Variants in TTC6 observed in about 807,000 individuals in gnomAD.
TTC6 encodes the protein tetratricopeptide repeat domain 6, also known as tetratricopeptide repeat protein 6.
A neutral mutation model predicts 210.4 loss-of-function variants in TTC6; 172 were observed. That is an observed-to-expected ratio of 0.82 (90% CI 0.72 to 0.93). The LOEUF (loss-of-function observed/expected upper bound fraction) is 0.93. Among genes scored for constraint, TTC6 ranks in the 40% least tolerant of loss-of-function variants. The probability of loss-of-function intolerance (pLI) is 0.00; values close to 1 mark genes in which losing one functional copy is unlikely to be tolerated. For synonymous variants in TTC6, 804 were observed against 819.6 expected (o/e 0.98, Z 0.32); for missense variants, 2,414 against 2,318.1 (o/e 1.04, Z -0.85).
chr14:37,811,254 G>A (rs993209017), intron 24 of TTC6, among the ~76,000 whole-genome samples: 1 of 152,170 alleles, frequency 6.6e-6, no homozygotes, highest in Non-Finnish European at 1.5e-5. Context: ...AAAGAAAAAT[G>A]TTAGACAATT....
chr14:37,770,234 G>A lies in TTC6; in HGVS notation c.3266+16999G>A, dbSNP rs2096013546. On this transcript the variant is annotated intron_variant, in intron 14 of 30. Coordinates refer to ENST00000553443, the Ensembl canonical transcript of TTC6. ...AGCTTTACTTCCAACTATGTGGTCA[G>A]TTTTGGAATAGGTATGGTGTGGTGC... Among the ~76,000 whole-genome samples the A allele has an allele frequency of 2.6e-5, 4 of 152,242 alleles. No homozygotes were observed. The South Asian group carries it at 8.3e-4, about 32-fold the overall frequency.
chr14:37,620,216 T>C (rs1351038545), upstream of TTC6, among the ~76,000 whole-genome samples: 1 of 152,030 alleles, frequency 6.6e-6, no homozygotes, highest in Non-Finnish European at 1.5e-5. Flanking sequence ...GATATATACA[T>C]ATATATATAT....
intron 1 of TTC6, among the ~76,000 whole-genome samples, chr14:37,656,516 T>TGTGTGTGTGTGTGTGTGTGTGTGTGC (rs2095723527): frequency 1.5e-4 from 1 of 6,616 alleles, no homozygotes. Flanking sequence ...TGTGTGTGCG[T>TGTGTGTGTGTGTGTGTGTGTGTGTGC]GTGTGTGTGT....
intron 24 of TTC6, among the ~76,000 whole-genome samples, chr14:37,809,750 T>C (rs529967824): frequency 6.6e-6 from 1 of 152,246 alleles, no homozygotes; most frequent in Non-Finnish European, 1.5e-5. Flanking sequence ...ATCCAGCATC[T>C]ACCTGTGCAA....
At chr14:37,694,140 C>G (rs1027389004) in intron 3 of TTC6, among the ~76,000 whole-genome samples, 3 of 151,928 alleles carry the variant, frequency 2.0e-5, no homozygotes, top group African/African-American at 7.3e-5. Flanking sequence ...TTTTGCACAC[C>G]AAAGGATACA....
chr14:37,812,219 C>G, intron 24 of TTC6, 95 bp from the exon 27 acceptor site: 2 of 1,255,402 alleles, frequency 1.6e-6, no homozygotes, highest in Non-Finnish European at 2.2e-6. Context: ...AAGAACTAAC[C>G]ATTGGGTCCT....
intron 19 of TTC6, 50 bp downstream of exon 21, chr14:37,796,420 AT>A: frequency 1.2e-6 from 1 of 800,470 alleles, no homozygotes; most frequent in East Asian, 3.1e-5. Context: ...TAAAATTTTT[AT>A]GCTATTTTGC....
chr14:37,680,190 C>T (rs1474207717), exon 2 of TTC6: 24 of 1,533,956 alleles, frequency 1.6e-5, no homozygotes, highest in African/African-American at 2.7e-5. Context: ...CAAAACATCA[C>T]CTATGCAAGC....
intron 2 of TTC6, among the ~76,000 whole-genome samples, chr14:37,611,982 A>C (rs982349365): frequency 1.5e-4 from 21 of 142,610 alleles, no homozygotes; most frequent in African/African-American, 5.5e-4. Context: ...AATTTAAAGG[A>C]GATCAATAGT....
chr14:37,607,682 G>T (rs1274086252), intron 2 of TTC6, among the ~76,000 whole-genome samples: 1 of 147,446 alleles, frequency 6.8e-6, no homozygotes, highest in Non-Finnish European at 1.5e-5. Context: ...AGGCTGGTGT[G>T]CAGTGGGGCA....
chr14:37,732,566 A>G (rs1251271761), intron 7 of TTC6, among the ~76,000 whole-genome samples: 1 of 151,948 alleles, frequency 6.6e-6, no homozygotes, highest in East Asian at 1.9e-4. Context: ...AAATATACTT[A>G]CTATTAACTA....
chr14:37,754,462 C>T (rs572026896), intron 14 of TTC6, among the ~76,000 whole-genome samples: 3 of 150,956 alleles, frequency 2.0e-5, no homozygotes, highest in Non-Finnish European at 4.4e-5. Flanking sequence ...GACAGAATTT[C>T]GCTCTTGTCA....
At chr14:37,814,474 A>G (rs1364486615) in intron 25 of TTC6, among the ~76,000 whole-genome samples, 1 of 152,190 alleles carries the variant, frequency 6.6e-6, no homozygotes, top group African/African-American at 2.4e-5. Context: ...GGAAGCAGAG[A>G]AACAGAAATG....
intron 1 of TTC6, among the ~76,000 whole-genome samples, chr14:37,672,079 G>A (rs1479217782): frequency 2.6e-5 from 4 of 152,002 alleles, no homozygotes; most frequent in Non-Finnish European, 4.4e-5. Context: ...TTTGTGTCTT[G>A]GGAATTTTAG....
At chr14:37,827,551 G>C (rs1376023575) in intron 29 of TTC6, among the ~76,000 whole-genome samples, 185 bp downstream of exon 31, 1 of 151,644 alleles carries the variant, frequency 6.6e-6, no homozygotes, top group Admixed American at 6.6e-5. Context: ...TGCCTCTATG[G>C]ATTTATTCTC....
chr14:37,745,120 A>G, intron 10 of TTC6, among the ~76,000 whole-genome samples: 1 of 152,040 alleles, frequency 6.6e-6, no homozygotes, highest in Non-Finnish European at 1.5e-5. Flanking sequence ...TATAAATGTA[A>G]ACTTCATCAG....
At chr14:37,618,828 C>G (rs1211820369), upstream of TTC6, among the ~76,000 whole-genome samples, 3 of 152,160 alleles carry the variant, frequency 2.0e-5, no homozygotes, top group Admixed American at 6.5e-5. Context: ...ACAATGAACA[C>G]TTGTTAAACT....
chr14:37,729,879 G>A (rs2095881519), intron 7 of TTC6, among the ~76,000 whole-genome samples: 1 of 152,170 alleles, frequency 6.6e-6, no homozygotes, highest in Non-Finnish European at 1.5e-5. Context: ...TGAATGTAGG[G>A]AGTTGAAGGT....
At chr14:37,600,658 A>G (rs2095614051) in intron 1 of TTC6, among the ~76,000 whole-genome samples, 1 of 152,206 alleles carries the variant, frequency 6.6e-6, no homozygotes, top group Non-Finnish European at 1.5e-5. Context: ...AAATAAAAAT[A>G]TATTCTGCCG....
Sources: gnomAD v4.1 joint callset for allele counts (sites outside exome capture counted in the v4.1 genomes callset) on GRCh38, gnomAD v4.1.1 for gene constraint, MANE v1.5 for transcripts, NCBI Gene and HGNC (gene_info 2026-07-23, HGNC 2026-07-21) for gene names.